Variants in ADCK5 observed in about 807,000 individuals in gnomAD.
ADCK5 encodes aarF domain containing kinase 5, also known as uncharacterized aarF domain-containing protein kinase 5.
A neutral mutation model predicts 64.9 loss-of-function variants in ADCK5; 43 were observed. That is an observed-to-expected ratio of 0.66 (90% confidence interval 0.52 to 0.85). The LOEUF (loss-of-function observed/expected upper bound fraction) is 0.85. ADCK5 is among the 40% of genes least tolerant of loss of function. The probability of loss-of-function intolerance (pLI) is 0.00; values close to 1 mark genes in which losing one functional copy is unlikely to be tolerated. For missense variants in ADCK5, 760 were observed against 810.5 expected (o/e 0.94, Z 0.76); for synonymous variants, 434 against 342.8 (o/e 1.27, Z -2.94).
chr8:144,376,664 G>C lies in ADCK5; in HGVS notation c.12+2557G>C, dbSNP rs1819379959. On this transcript the variant is annotated intron_variant, in intron 1 of 14. Transcript: ENST00000308860. This position sits in a 1 kb window ranked among gnomAD's most constrained non-coding sequence, Gnocchi z 5.1. Reference sequence around the variant, plus strand: ...CTGGTCATGGATGAGGTGGGCAGTGGCTGGGATAGCCACCTGGAGGTAGCT... The same window carrying C: ...CTGGTCATGGATGAGGTGGGCAGTGCCTGGGATAGCCACCTGGAGGTAGCT... Among the ~76,000 whole-genome samples the C allele has an allele frequency of 6.6e-6, 1 of 152,336 alleles. No homozygotes were observed.
In ADCK5 at chr8:144,390,999, G is replaced by A; in HGVS notation, c.486G>A (p.Glu162=). 1 of 1,613,050 alleles carries A rather than the reference G, an allele frequency of 6.2e-7. No homozygotes were observed. Among genetic ancestry groups the A allele is most frequent in the African/African-American group, 1.3e-5 (1 of 75,048 alleles). ...CCTTCAACCACCTGCTTCCCCCCGA[G>A]TATACCCGGACCCTGCGCGTGCTAG... ...LCSFNHLLPP[E]YTRTLRVLED... is the part of the protein sequence containing the mutation. The change falls in exon 5 of 15, where the codon GAG becomes GAA. Residue 162 remains glutamate (E), a synonymous_variant. Transcript: ENST00000308860.
At chr8:144,387,738 T>TC (rs1410637437) in intron 3 of ADCK5, among the ~76,000 whole-genome samples, 3 of 150,706 alleles carry the variant, frequency 2.0e-5, no homozygotes, top group African/African-American at 7.3e-5. Flanking sequence ...TTGATACTTT[T>TC]TTTTTTTTTT....
rs552201418 is a variant in ADCK5 at position 144,374,051 on chromosome 8, C to G, written c.-45C>G. On this transcript the variant is annotated 5_prime_UTR_variant, in exon 1 of 15. Transcript: ENST00000308860. ...CCGCAGGGCCTGCTGGGCTGCGAGA[C>G]GCTAAGCGGCGCCGGGCGGGAGAAG... 8.0e-7 allele frequency: 1 copy of G among 1,244,760 alleles called. No homozygotes were observed. The highest frequency in any genetic ancestry group is 1.0e-6 in the Non-Finnish European group (1 of 988,176). 77.1% of individuals were successfully genotyped at this position (1,244,760 alleles called of 1,614,324 possible).
Position 144,391,794 on chromosome 8 carries a change from T to A in ADCK5, c.942T>A (p.Thr314=). 1 of 1,534,872 alleles carries A rather than the reference T, an allele frequency of 6.5e-7. No homozygotes were observed. The highest frequency in any genetic ancestry group is 1.2e-5 in the South Asian group (1 of 84,882). Residue 314 remains threonine, a synonymous_variant, in exon 9 of 15, where the codon ACT becomes ACA. Coordinates refer to ENST00000308860, the MANE Select transcript of ADCK5 (RefSeq NM_174922.5). The part of the protein sequence containing the change: ...HWDKSSKRVL[T]ADFCAGCKVN... ...CTTGCTCTCCCCAGCGCGTGCTCAC[T>A]GCCGACTTCTGCGCCGGCTGCAAGG...
chr8:144,392,678 TA>T lies in ADCK5; in HGVS notation c.1502del (p.Tyr501SerfsTer54), dbSNP rs1233605864. On this transcript the variant is annotated frameshift_variant, in exon 13 of 15. Transcript: ENST00000308860. LOFTEE classifies it high-confidence loss of function. ...GGCCCTCGGCGCCCCCGTGGACCGC[TA>T]CTTCCTTATGGCTAAAAGGTCGGTG... is the stretch of plus-strand genomic sequence containing the variant. ...NVALGAPVDR[Y>X]FLMAKRAVRG... 7.5e-6 allele frequency: 12 copies of T among 1,596,184 alleles called. No individual in the cohort carries two copies. Among genetic ancestry groups the T allele is most frequent in the South Asian group, 1.1e-5 (1 of 90,276 alleles).
chr8:144,388,808 C>T (rs1404952565), intron 3 of ADCK5, among the ~76,000 whole-genome samples: 4 of 152,054 alleles, frequency 2.6e-5, no homozygotes, highest in African/African-American at 4.8e-5. Context: ...AACCCAAGCA[C>T]GCACTCCAGA....
chr8:144,375,348 C>A, intron 1 of ADCK5: 1 of 660,404 alleles, frequency 1.5e-6, no homozygotes, highest in Non-Finnish European at 1.9e-6. Context: ...CCTGCCCAGA[C>A]TCCCAATCTG....
intron 2 of ADCK5, among the ~76,000 whole-genome samples, chr8:144,380,308 G>T (rs1819551646): frequency 6.6e-6 from 1 of 150,796 alleles, no homozygotes; most frequent in African/African-American, 2.4e-5. Context: ...AAACAGATGT[G>T]TGCTCAGGCA....
At chr8:144,390,111 G>A (rs750661021) in intron 3 of ADCK5, among the ~76,000 whole-genome samples, 19 of 151,996 alleles carry the variant, frequency 1.3e-4, no homozygotes, top group Non-Finnish European at 2.1e-4. Context: ...GATTACAGGC[G>A]TGAGCCACTG....
chr8:144,377,901 C>T (rs1332021307), intron 1 of ADCK5, among the ~76,000 whole-genome samples: 1 of 152,218 alleles, frequency 6.6e-6, no homozygotes, highest in Non-Finnish European at 1.5e-5. Flanking sequence ...CCTCTGGCCA[C>T]TGGTCAGTGG....
intron 1 of ADCK5, among the ~76,000 whole-genome samples, chr8:144,374,872 T>C (rs545821356): frequency 5.1e-4 from 77 of 152,310 alleles, no homozygotes; most frequent in African/African-American, 1.8e-3. Flanking sequence ...CGTTGCTCTG[T>C]CCCTGCGGTT....
intron 2 of ADCK5, 135 bp downstream of exon 2, chr8:144,379,625 C>T (rs1160664653): frequency 2.7e-6 from 2 of 736,144 alleles, no homozygotes; most frequent in Non-Finnish European, 4.2e-6. Flanking sequence ...GATATGTTTG[C>T]TCCTCAGTGC....
chr8:144,375,708 G>A (rs782421297), intron 1 of ADCK5: 177 of 962,410 alleles, frequency 1.8e-4, no homozygotes, highest in Middle Eastern at 5.3e-4. Context: ...ACTCTGGAAC[G>A]GGAGGTGTTT....
chr8:144,383,134 G>C lies in ADCK5; in HGVS notation c.170G>C (p.Gly57Ala). 1 of 1,587,456 alleles carries C rather than the reference G, an allele frequency of 6.3e-7. No homozygotes were observed. Among genetic ancestry groups the C allele is most frequent in the Non-Finnish European group, 8.6e-7 (1 of 1,167,194 alleles). Residue 57 changes from glycine to alanine, a missense_variant, in exon 3 of 15, where the codon GGG becomes GCG. Transcript: ENST00000308860. The part of the protein sequence containing the change: ...WRKVLSTAVV[G>A]APLLLGARYV... ...AAGGTGCTCTCCACCGCGGTAGTGGGGGCGCCCCTGCTCCTCGGAGCCCGC... is the reference window on the plus strand; with the variant it reads ...AAGGTGCTCTCCACCGCGGTAGTGGCGGCGCCCCTGCTCCTCGGAGCCCGC...
In ADCK5 at chr8:144,393,110, C is replaced by A. The variant is rs373819051; in HGVS notation, c.*36C>A. ...CCCAGGGCCGGCGGGGCCCTTTTCA[C>A]CTTGGGCTGACGGAGGTGGCGGGGC... On this transcript the variant is annotated 3_prime_UTR_variant, in exon 15 of 15. Coordinates refer to ENST00000308860, the MANE Select transcript of ADCK5 (RefSeq NM_174922.5). 8.7e-6 allele frequency: 13 copies of A among 1,499,192 alleles called. 2 individuals are homozygous for A. The South Asian group carries it at 1.5e-4, about 18-fold the overall frequency. 92.9% of individuals were successfully genotyped at this position (1,499,192 alleles called of 1,614,324 possible). A position where few individuals can be genotyped will look rare whatever the true frequency, so the allele number is the denominator to read the frequency against.
At chr8:144,375,354 A>G (rs1554856927) in intron 1 of ADCK5, 2 of 719,242 alleles carry the variant, frequency 2.8e-6, no homozygotes, top group Non-Finnish European at 3.4e-6. Flanking sequence ...CAGACTCCCA[A>G]TCTGTCTCTT....
chr8:144,387,132 G>A (rs1040102194), intron 3 of ADCK5, among the ~76,000 whole-genome samples: 3 of 152,174 alleles, frequency 2.0e-5, no homozygotes, highest in African/African-American at 2.4e-5. Flanking sequence ...GTGCTCATGC[G>A]TGGCCAGAGT....
rs201116950 is a variant in ADCK5, at chr8:144,374,091, C to A, written c.-5C>A. On this transcript the variant is annotated 5_prime_UTR_variant, in exon 1 of 15. Transcript: ENST00000308860. ...GGCGGGAGAAGAGCGGAGCAGTGGTCGGAGATGTGGCGACCGGTGAGGACT... is the reference window on the plus strand; with the variant it reads ...GGCGGGAGAAGAGCGGAGCAGTGGTAGGAGATGTGGCGACCGGTGAGGACT... 2.6e-5 allele frequency: 33 copies of A among 1,248,166 alleles called. 1 individual carries two copies. Among genetic ancestry groups the A allele is most frequent in the Non-Finnish European group, 2.8e-5 (28 of 988,916 alleles). The allele number at this position is 1,248,166 out of a possible 1,614,324, so 77.3% of individuals were successfully genotyped here. A position where few individuals can be genotyped will look rare whatever the true frequency, so the allele number is the denominator to read the frequency against.
chr8:144,374,258 C>A, intron 1 of ADCK5, 151 bp downstream of exon 1: 1 of 753,684 alleles, frequency 1.3e-6, no homozygotes, highest in Non-Finnish European at 1.8e-6. Context: ...CGCCCTGGAG[C>A]GCAGTGGTGC....
Sources: gnomAD v4.1 joint callset for allele counts (sites outside exome capture counted in the v4.1 genomes callset) on GRCh38, gnomAD v4.1.1 for gene constraint, Gnocchi (gnomAD v3.1) non-coding constraint, MANE v1.5 for transcripts, NCBI Gene and HGNC (gene_info 2026-07-23, HGNC 2026-07-21) for gene names.